Variants in TFAP2A observed in about 807,000 individuals in gnomAD.
The protein encoded by TFAP2A is transcription factor AP-2-alpha.
In TFAP2A, 7 loss-of-function variants were observed where a neutral mutation model predicts 41.5. That is an observed-to-expected ratio of 0.17 (90% CI 0.10 to 0.32). The LOEUF (loss-of-function observed/expected upper bound fraction) is 0.32, where lower values mean the gene tolerates loss of function less well. Among genes scored for constraint, TFAP2A ranks in the 10% least tolerant of loss-of-function variants. The probability of loss-of-function intolerance (pLI) is 1.00; values close to 1 mark genes in which losing one functional copy is unlikely to be tolerated. For missense variants in TFAP2A, 416 were observed against 563.3 expected (o/e 0.74, Z 2.65); for synonymous variants, 247 against 242.8 (o/e 1.02, Z -0.16).
In TFAP2A at chr6:10,404,355, T is replaced by G; in HGVS notation, c.770+153A>C. On this transcript the variant is annotated intron_variant, in intron 4 of 6. Transcript: ENST00000379613. ...TCCCCCGCCCCCAGATCCCGCCCAC[T>G]TGGCTCTACGCTCTTCTCCCCGCCC... 5 of 182,368 alleles carry G rather than the reference T, an allele frequency of 2.7e-5. No homozygotes were observed. In the East Asian group the frequency reaches 5.1e-4, roughly 19 times the overall value. 11.3% of individuals were successfully genotyped at this position (182,368 alleles called of 1,614,324 possible). A position where few individuals can be genotyped will look rare whatever the true frequency, so the allele number is the denominator to read the frequency against.
In TFAP2A at chr6:10,397,772, C is replaced by T. The variant is rs996371955; in HGVS notation, c.*645G>A. The T allele has an allele frequency of 6.6e-6, 5 of 758,556 alleles. No individual in the cohort carries two copies. The highest frequency in any genetic ancestry group is 1.3e-4 in the East Asian group (1 of 7,698). The allele number at this position is 758,556 out of a possible 1,614,324, so 47.0% of individuals were successfully genotyped here. A position where few individuals can be genotyped will look rare whatever the true frequency, so the allele number is the denominator to read the frequency against. On this transcript the variant is annotated 3_prime_UTR_variant, in exon 7 of 7. Transcript: ENST00000379613. ...CTGATTCCCTTATATAACTGCGAATCGTGTTGCCAGAGAAAGTTCAAGTTG... is the reference window on the plus strand; with the variant it reads ...CTGATTCCCTTATATAACTGCGAATTGTGTTGCCAGAGAAAGTTCAAGTTG...
chr6:10,407,801 G>C (rs1004723025), intron 2 of TFAP2A: 3 of 152,192 alleles, frequency 2.0e-5, no homozygotes, highest in Admixed American at 6.5e-5. Context: ...AATTGTGCCT[G>C]ATCGCAATGA....
intron 4 of TFAP2A, among the ~76,000 whole-genome samples, chr6:10,403,545 C>G (rs947520846): frequency 6.6e-6 from 1 of 152,168 alleles, no homozygotes; most frequent in Middle Eastern, 3.2e-3. Flanking sequence ...AACTGTGGGT[C>G]TATCAACACA....
At chr6:10,417,583 C>A (rs1758293892), upstream of TFAP2A, among the ~76,000 whole-genome samples, 1 of 152,150 alleles carries the variant, frequency 6.6e-6, no homozygotes, top group Non-Finnish European at 1.5e-5. Context: ...CCAGGCCTGA[C>A]GTGGGGGGCA....
chr6:10,402,813 CG>C (rs1302278226), intron 4 of TFAP2A, among the ~76,000 whole-genome samples: 1 of 152,212 alleles, frequency 6.6e-6, no homozygotes, highest in Non-Finnish European at 1.5e-5. Context: ...GCACCCCCTA[CG>C]TTCAGTTATT....
In TFAP2A at chr6:10,404,576, C is replaced by T. The variant is rs975728119; in HGVS notation, c.702G>A (p.Ala234=). ...SSTSKYKVTV[A]EVQRRLSPPE... ...GTGGTGAGAGCCGCCGCTGCACTTC[C>T]GCCACCGTGACCTTGTACTTCGAGG... Residue 234 remains alanine (A), a synonymous_variant, in exon 4 of 7, where the codon GCG becomes GCA. Coordinates refer to ENST00000379613, the MANE Select transcript of TFAP2A (RefSeq NM_001372066.1). 6.2e-7 allele frequency: 1 copy of T among 1,614,108 alleles called. No individual in the cohort carries two copies. The highest frequency in any genetic ancestry group is 1.1e-5 in the South Asian group (1 of 91,074).
At chr6:10,415,484 C>T (rs554944360), upstream of TFAP2A, 36 of 253,772 alleles carry the variant, frequency 1.4e-4, no homozygotes, top group South Asian at 1.8e-3. Flanking sequence ...TGCCCCAACA[C>T]CCCCTCTCTT....
At chr6:10,407,508 T>C (rs1757777138) in intron 2 of TFAP2A, 1 of 151,102 alleles carries the variant, frequency 6.6e-6, no homozygotes, top group Non-Finnish European at 1.5e-5. Context: ...TTCTTTTTTT[T>C]TTTTTTTTTT....
chr6:10,398,089 A>T lies in TFAP2A; in HGVS notation c.*328T>A. On this transcript the variant is annotated 3_prime_UTR_variant, in exon 7 of 7. Transcript: ENST00000379613. This position sits in a 1 kb window ranked among gnomAD's most constrained non-coding sequence, Gnocchi z 5.3. ...GTTGATTTGTTGTTTTGTTTAAAAA[A>T]AAAAGGGTTCACAAACTTGGCAGAA... The T allele has an allele frequency of 1.7e-6, 2 of 1,203,002 alleles. No individual in the cohort carries two copies. Among genetic ancestry groups the T allele is most frequent in the South Asian group, 5.5e-5 (2 of 36,186 alleles). 74.5% of individuals were successfully genotyped at this position (1,203,002 alleles called of 1,614,324 possible).
chr6:10,397,997 T>C lies in TFAP2A; in HGVS notation c.*420A>G, dbSNP rs995958548. 9 of 1,063,458 alleles carry C rather than the reference T, an allele frequency of 8.5e-6. No individual in the cohort carries two copies. Among genetic ancestry groups the C allele is most frequent in the African/African-American group, 5.1e-5 (3 of 58,356 alleles). 65.9% of individuals were successfully genotyped at this position (1,063,458 alleles called of 1,614,324 possible). A position where few individuals can be genotyped will look rare whatever the true frequency, so the allele number is the denominator to read the frequency against. ...GTGACTCAGTCCCATGAAGCGCATA[T>C]AATTTTTTTTATTTTCACTTTTTTT... is the stretch of plus-strand genomic sequence containing the variant. On this transcript the variant is annotated 3_prime_UTR_variant, in exon 7 of 7. Coordinates refer to ENST00000379613, the MANE Select transcript of TFAP2A (RefSeq NM_001372066.1).
At chr6:10,404,114 G>A (rs1008081607) in intron 4 of TFAP2A, among the ~76,000 whole-genome samples, 91 of 152,358 alleles carry the variant, frequency 6.0e-4, no homozygotes, top group African/African-American at 2.1e-3. Context: ...AACTTTTCCT[G>A]GGCTTGCAAG....
upstream of TFAP2A, chr6:10,418,095 C>T (rs1758309674): frequency 6.6e-6 from 1 of 152,184 alleles, no homozygotes; most frequent in African/African-American, 2.4e-5. Flanking sequence ...TGTGGATTCC[C>T]GGGATTTGTC....
chr6:10,404,674 G>C lies in TFAP2A; in HGVS notation c.604C>G (p.Leu202Val). Residue 202 changes from leucine (L) to valine (V), a missense_variant, in exon 4 of 7, where the codon CTC becomes GTC. Physicochemically the swap from Leu to Val is conservative, Grantham distance 32. Coordinates refer to ENST00000379613, the MANE Select transcript of TFAP2A (RefSeq NM_001372066.1). ...TTGGGGTTCACCACGCCGCCGAAGA[G>C]GTTGTCCTTGTTAATAGGGATGGCG... is the stretch of plus-strand genomic sequence containing the variant. ...VSAIPINKDN[L>V]FGGVVNPNEV... 1 of 1,614,212 alleles carries C rather than the reference G, an allele frequency of 6.2e-7. No individual in the cohort carries two copies. Among genetic ancestry groups the C allele is most frequent in the Non-Finnish European group, 8.5e-7 (1 of 1,180,030 alleles).
chr6:10,411,058 C>CT (rs1220762369), intron 1 of TFAP2A: 1 of 148,116 alleles, frequency 6.8e-6, no homozygotes, highest in Non-Finnish European at 1.5e-5. Context: ...CCCCCCCCCC[C>CT]GCCCCTTCCA....
rs1761974872 is a variant in TFAP2A at position 10,400,673 on chromosome 6, T to C, written c.890-84A>G. 2.0e-6 allele frequency: 3 copies of C among 1,467,900 alleles called. No homozygotes were observed. The Admixed American group carries it at 5.0e-5, about 25-fold the overall frequency. The allele number at this position is 1,467,900 out of a possible 1,614,324, so 90.9% of individuals were successfully genotyped here. On this transcript the variant is annotated intron_variant, in intron 5 of 6. Transcript: ENST00000379613. ...TTCCTCCCCACTCCCAACTCCCTAA[T>C]TCCCTTCACCCCAGATGTTGCAGGA...
chr6:10,407,405 A>G (rs918340484), intron 2 of TFAP2A: 3 of 152,658 alleles, frequency 2.0e-5, no homozygotes, highest in Non-Finnish European at 2.9e-5. Flanking sequence ...TGATAGGAAT[A>G]TGAAAATGAC....
Position 10,414,904 on chromosome 6 carries a change from G to A in TFAP2A, c.51+37C>T, listed in dbSNP as rs761208523. On this transcript the variant is annotated intron_variant, in intron 1 of 6. Coordinates refer to ENST00000379613, the MANE Select transcript of TFAP2A (RefSeq NM_001372066.1). Reference sequence around the variant, plus strand: ...AGAGGGAGGGTCAAGCTCGGAGCCTGTGACCGCACGGATGATCGAGCCGGC... The same window carrying A: ...AGAGGGAGGGTCAAGCTCGGAGCCTATGACCGCACGGATGATCGAGCCGGC... 8.1e-6 allele frequency: 13 copies of A among 1,613,324 alleles called. No individual in the cohort carries two copies. The East Asian group carries it at 1.3e-4, about 17-fold the overall frequency.
intron 1 of TFAP2A, chr6:10,411,499 A>G: frequency 6.2e-7 from 1 of 1,611,986 alleles, no homozygotes; most frequent in Non-Finnish European, 8.5e-7. Context: ...GGTTTCGGGC[A>G]GCTCCACGGC....
chr6:10,402,192 C>T (rs973035289), intron 5 of TFAP2A: 1 of 436,954 alleles, frequency 2.3e-6, no homozygotes, highest in South Asian at 1.7e-5. Context: ...ACTGCTGAGC[C>T]CTTTAAAGGA....
Sources: allele counts gnomAD v4.1 joint callset (sites outside exome capture counted in the v4.1 genomes callset), GRCh38; gene constraint gnomAD v4.1.1; non-coding constraint Gnocchi (gnomAD v3.1); transcripts MANE v1.5; gene names NCBI Gene and HGNC (gene_info 2026-07-23, HGNC 2026-07-21).